Variants in PCDH15 observed in about 807,000 individuals in gnomAD.
PCDH15 encodes protocadherin-15.
A neutral mutation model predicts 178.5 loss-of-function variants in PCDH15; 129 were observed. The observed-to-expected ratio is 0.72, with a 90% CI of 0.63 to 0.84. The LOEUF (loss-of-function observed/expected upper bound fraction) is 0.84. Among genes scored for constraint, PCDH15 ranks in the 40% least tolerant of loss-of-function variants. The probability of loss-of-function intolerance (pLI) is 0.00; values close to 1 mark genes in which losing one functional copy is unlikely to be tolerated. For missense variants in PCDH15, 2,230 were observed against 2,099.9 expected, an observed-to-expected ratio of 1.06 and a Z score of -1.21; for synonymous variants, 800 against 732.0, an observed-to-expected ratio of 1.09 and a Z score of -1.50.
intron 2 of PCDH15, chr10:54,600,364 A>G: frequency 1.8e-6 from 1 of 541,224 alleles, no homozygotes; most frequent in South Asian, 1.5e-5. Context: ...AGGAAAAGAG[A>G]AGGGAGAGCA....
At chr10:55,176,808 A>G (rs1839503374) in intron 1 of PCDH15, among the ~76,000 whole-genome samples, 1 of 151,996 alleles carries the variant, frequency 6.6e-6, no homozygotes, top group Non-Finnish European at 1.5e-5. Flanking sequence ...CTACACCCTG[A>G]CTTCCAATAT....
chr10:53,883,473 G>A (rs1447948045), intron 26 of PCDH15, among the ~76,000 whole-genome samples: 1 of 151,602 alleles, frequency 6.6e-6, no homozygotes, highest in Non-Finnish European at 1.5e-5. Context: ...ACAAATCCCT[G>A]TGCTAAGGGC....
At chr10:55,223,973 T>G (rs939720677) in intron 1 of PCDH15, among the ~76,000 whole-genome samples, 2 of 152,016 alleles carry the variant, frequency 1.3e-5, no homozygotes, top group East Asian at 3.9e-4. Context: ...CAAATACAGC[T>G]GGAAGTGGTG....
At chr10:54,529,892 T>C (rs1049913444) in intron 2 of PCDH15, among the ~76,000 whole-genome samples, 7 of 152,020 alleles carry the variant, frequency 4.6e-5, no homozygotes, top group Non-Finnish European at 7.4e-5. Context: ...GTATGCACTC[T>C]CTCATATGTA....
chr10:54,135,608 G>A (rs891676038), intron 14 of PCDH15, among the ~76,000 whole-genome samples: 11 of 152,160 alleles, frequency 7.2e-5, no homozygotes, highest in African/African-American at 2.2e-4. Context: ...TATTACCCTT[G>A]AAGATCTTGG....
At chr10:54,669,691 G>A (rs747146083) in intron 1 of PCDH15, among the ~76,000 whole-genome samples, 7 of 147,432 alleles carry the variant, frequency 4.7e-5, no homozygotes, top group African/African-American at 7.6e-5. Context: ...CTAGATCTTT[G>A]CTCGGGCTTA....
intron 1 of PCDH15, among the ~76,000 whole-genome samples, chr10:54,731,852 G>A (rs1373769197): frequency 6.6e-6 from 1 of 150,728 alleles, no homozygotes; most frequent in Admixed American, 6.7e-5. Flanking sequence ...CAAATATACA[G>A]TTTGAGAGAA....
Position 54,774,319 on chromosome 10 carries a change from C to T in PCDH15, c.-29+26606G>A, listed in dbSNP as rs543413478. ...CTGCGATTACAGGCTTGAGCCACTG[C>T]GCCCAGCCACTTCATAGTCTTATAA... On this transcript the variant is annotated intron_variant, in intron 1 of 37. Coordinates refer to ENST00000644397, the MANE Select transcript of PCDH15 (RefSeq NM_001384140.1). Among the ~76,000 whole-genome samples, 275 of 152,150 alleles carry T rather than the reference C, an allele frequency of 1.8e-3. 1 individual carries two copies. Among genetic ancestry groups the T allele is most frequent in the African/African-American group, 6.2e-3 (259 of 41,514 alleles).
At chr10:54,079,488 T>C (rs2094402365) in intron 16 of PCDH15, 64 bp from the exon 17 acceptor site, 1 of 1,438,652 alleles carries the variant, frequency 7.0e-7, no homozygotes, top group African/African-American at 1.4e-5. Flanking sequence ...GAGAGTCTTC[T>C]TAGTATAGTG....
At chr10:54,445,161 T>C (rs2076069823) in intron 3 of PCDH15, among the ~76,000 whole-genome samples, 1 of 151,310 alleles carries the variant, frequency 6.6e-6, no homozygotes. Context: ...CACTTCTCAA[T>C]TGTTTTGTTT....
intron 1 of PCDH15, among the ~76,000 whole-genome samples, chr10:55,300,714 T>A (rs532976999): frequency 6.6e-6 from 1 of 152,282 alleles, no homozygotes; most frequent in Non-Finnish European, 1.5e-5. Context: ...TGAGAAATTT[T>A]TATATCACAC....
intron 7 of PCDH15, among the ~76,000 whole-genome samples, chr10:54,323,904 T>G (rs1337503723): frequency 2.0e-5 from 3 of 152,302 alleles, no homozygotes; most frequent in Middle Eastern, 3.4e-3. Context: ...AAACATTTTT[T>G]GTTTGAGATA....
intron 2 of PCDH15, among the ~76,000 whole-genome samples, chr10:55,406,840 T>C (rs1385906777): frequency 1.3e-5 from 2 of 152,116 alleles, no homozygotes; most frequent in Admixed American, 1.3e-4. Flanking sequence ...CTATGATACT[T>C]CAACATTAAA....
intron 3 of PCDH15, among the ~76,000 whole-genome samples, chr10:54,869,567 T>C (rs1554808815): frequency 6.6e-6 from 1 of 152,184 alleles, no homozygotes; most frequent in Non-Finnish European, 1.5e-5. Flanking sequence ...CTTAGTACTT[T>C]CTCTTGGAGC....
intron 2 of PCDH15, among the ~76,000 whole-genome samples, chr10:55,044,870 A>T (rs1188851639): frequency 6.6e-6 from 1 of 152,044 alleles, no homozygotes; most frequent in Non-Finnish European, 1.5e-5. Flanking sequence ...CCCTCAATGG[A>T]CTCATCCTCC....
At chr10:55,114,444 C>G (rs1837582151) in intron 2 of PCDH15, among the ~76,000 whole-genome samples, 1 of 152,186 alleles carries the variant, frequency 6.6e-6, no homozygotes, top group Non-Finnish European at 1.5e-5. Flanking sequence ...GTAAAAGCCA[C>G]TAGCTTTCTT....
intron 23 of PCDH15, among the ~76,000 whole-genome samples, chr10:53,948,802 A>G (rs912001906): frequency 3.3e-5 from 5 of 152,180 alleles, no homozygotes; most frequent in Non-Finnish European, 7.3e-5. Context: ...ATGACTCAGT[A>G]AGTCCCTTCA....
At chr10:55,007,904 C>T (rs1394447764) in intron 2 of PCDH15, among the ~76,000 whole-genome samples, 1 of 152,114 alleles carries the variant, frequency 6.6e-6, no homozygotes, top group East Asian at 1.9e-4. Context: ...AACCTGCATA[C>T]TATACATGAA....
chr10:55,142,325 T>C (rs1382053557), intron 2 of PCDH15, among the ~76,000 whole-genome samples: 1 of 152,064 alleles, frequency 6.6e-6, no homozygotes, highest in South Asian at 2.1e-4. Flanking sequence ...TTAGATTGGC[T>C]GAAAAGTAAA....
Sources: allele counts gnomAD v4.1 joint callset (sites outside exome capture counted in the v4.1 genomes callset), GRCh38; gene constraint gnomAD v4.1.1; transcripts MANE v1.5; gene names NCBI Gene and HGNC (gene_info 2026-07-23, HGNC 2026-07-21).